MTHFD2L: variants seen among roughly 807,000 people sequenced by gnomAD.
The protein encoded by MTHFD2L is bifunctional methylenetetrahydrofolate dehydrogenase/cyclohydrolase 2, mitochondrial.
Under a neutral mutation model 34.9 loss-of-function variants are expected in MTHFD2L, and 29 were observed. The observed-to-expected ratio is 0.83, with a 90% confidence interval of 0.62 to 1.13. The LOEUF (loss-of-function observed/expected upper bound fraction) is 1.13, where lower values mean the gene tolerates loss of function less well. Ranked by LOEUF, MTHFD2L falls within the 50% of genes most tolerant of loss-of-function variation. The pLI, the probability that MTHFD2L is intolerant of heterozygous loss-of-function variation, is 0.00. For missense variants in MTHFD2L, 481 were observed against 446.5 expected, an observed-to-expected ratio of 1.08 and a Z score of -0.70; for synonymous variants, 167 against 155.7, an observed-to-expected ratio of 1.07 and a Z score of -0.54.
intron 3 of MTHFD2L, among the ~76,000 whole-genome samples, chr4:74,186,002 A>G (rs936450394): frequency 1.3e-5 from 2 of 152,176 alleles, no homozygotes; most frequent in Non-Finnish European, 1.5e-5. Context: ...TTAACAAATC[A>G]AATCCAACAA....
At chr4:74,202,970 A>T (rs779723605) in intron 5 of MTHFD2L, among the ~76,000 whole-genome samples, 4 of 152,194 alleles carry the variant, frequency 2.6e-5, no homozygotes, top group Non-Finnish European at 5.9e-5. Context: ...ACTTTCAATA[A>T]TACTTGTTTT....
intron 5 of MTHFD2L, among the ~76,000 whole-genome samples, chr4:74,220,272 T>A (rs1264549301): frequency 6.6e-6 from 1 of 151,910 alleles, no homozygotes; most frequent in Admixed American, 6.6e-5. Context: ...TCAACATTCT[T>A]GAGGGTTTAT....
intron 5 of MTHFD2L, among the ~76,000 whole-genome samples, chr4:74,218,336 A>C (rs1737554746): frequency 6.6e-6 from 1 of 152,140 alleles, no homozygotes; most frequent in African/African-American, 2.4e-5. Flanking sequence ...GAAAGCTGGC[A>C]CATGGACAGT....
intron 6 of MTHFD2L, among the ~76,000 whole-genome samples, chr4:74,230,040 T>A (rs1441346057): frequency 6.6e-6 from 1 of 152,186 alleles, no homozygotes; most frequent in Non-Finnish European, 1.5e-5. Context: ...ATTTTGAGAT[T>A]ATAACTACAA....
rs115663791 is a variant in MTHFD2L at position 74,282,171 on chromosome 4, C to G, written c.931+621C>G. 9.5e-3 allele frequency among the ~76,000 whole-genome samples: 1,445 copies of G among 152,002 alleles called. 28 individuals carry two copies. The highest frequency in any genetic ancestry group is 0.033 in the African/African-American group (1,368 of 41,490). ...CTCTTTACAATAGGGGAAACTGGGC[C>G]CCAGTACTTCTAGATGCCTGACCCT... On this transcript the variant is annotated intron_variant, in intron 7 of 7. Coordinates refer to ENST00000325278, the MANE Select transcript of MTHFD2L (RefSeq NM_001144978.3).
At chr4:74,132,183 G>A (rs551051210) in intron 1 of MTHFD2L, among the ~76,000 whole-genome samples, 5 of 152,272 alleles carry the variant, frequency 3.3e-5, no homozygotes, top group East Asian at 3.9e-4. Context: ...ACAATGTAGC[G>A]ATTCCTCAAG....
chr4:74,277,224 C>T (rs1746782138), intron 6 of MTHFD2L, among the ~76,000 whole-genome samples: 2 of 151,214 alleles, frequency 1.3e-5, no homozygotes, highest in Non-Finnish European at 2.9e-5. Context: ...GAGCCAGCTT[C>T]CCAAGGCTCA....
intron 6 of MTHFD2L, among the ~76,000 whole-genome samples, chr4:74,264,481 A>G (rs2110230769): frequency 6.6e-6 from 1 of 152,068 alleles, no homozygotes; most frequent in East Asian, 1.9e-4. Context: ...ACCATGCTTT[A>G]AAAACATTTC....
At chr4:74,192,431 G>A (rs376478879) in intron 3 of MTHFD2L, among the ~76,000 whole-genome samples, 2 of 152,012 alleles carry the variant, frequency 1.3e-5, no homozygotes, top group East Asian at 1.9e-4. Context: ...AGCATTTAAA[G>A]GTAAGAACAC....
At chr4:74,116,897 A>G (rs1227840665) in intron 2 of MTHFD2L, among the ~76,000 whole-genome samples, 1 of 152,204 alleles carries the variant, frequency 6.6e-6, no homozygotes, top group African/African-American at 2.4e-5. Flanking sequence ...AATGACACTC[A>G]TGTCTGCTAC....
chr4:74,204,150 T>C (rs756648938), intron 5 of MTHFD2L, among the ~76,000 whole-genome samples: 1 of 152,130 alleles, frequency 6.6e-6, no homozygotes, highest in Non-Finnish European at 1.5e-5. Context: ...GTTAAGAGGA[T>C]AGACATGGAG....
chr4:74,266,185 T>C (rs1745263101), intron 6 of MTHFD2L, among the ~76,000 whole-genome samples: 1 of 152,234 alleles, frequency 6.6e-6, no homozygotes, highest in African/African-American at 2.4e-5. Context: ...CTATGTGGAC[T>C]CTTATGTTGT....
chr4:74,124,027 A>T (rs186769205), upstream of MTHFD2L, among the ~76,000 whole-genome samples: 52 of 152,182 alleles, frequency 3.4e-4, no homozygotes, highest in East Asian at 7.9e-3. Context: ...ACTTATATTC[A>T]TTTATAATTT....
chr4:74,199,551 C>T (rs934940268), intron 3 of MTHFD2L, among the ~76,000 whole-genome samples: 3 of 151,854 alleles, frequency 2.0e-5, no homozygotes, highest in African/African-American at 7.3e-5. Flanking sequence ...TTTCTTTCAC[C>T]GGTCCAGCCA....
At chr4:74,280,833 G>GA (rs1454121138) in intron 6 of MTHFD2L, among the ~76,000 whole-genome samples, 2 of 151,198 alleles carry the variant, frequency 1.3e-5, no homozygotes, top group Non-Finnish European at 2.9e-5. Context: ...AAGAAACCAA[G>GA]AAAAAATAAA....
At chr4:74,140,501 A>T in intron 1 of MTHFD2L, 1 of 884,688 alleles carries the variant, frequency 1.1e-6, no homozygotes, top group African/African-American at 1.8e-5. Flanking sequence ...TAATTTTCTC[A>T]ATTATATATT....
chr4:74,187,947 A>G (rs1008466609), intron 3 of MTHFD2L, among the ~76,000 whole-genome samples: 2 of 152,204 alleles, frequency 1.3e-5, no homozygotes, highest in Non-Finnish European at 2.9e-5. Context: ...ATAACTAAAA[A>G]CTAGAAACAA....
intron 6 of MTHFD2L, among the ~76,000 whole-genome samples, chr4:74,275,486 G>T (rs1746496388): frequency 6.6e-6 from 1 of 152,016 alleles, no homozygotes; most frequent in Admixed American, 6.6e-5. Context: ...TGGGTCAAAT[G>T]GTATTTCTGA....
intron 1 of MTHFD2L, among the ~76,000 whole-genome samples, chr4:74,127,946 G>A (rs1378668587): frequency 1.3e-5 from 2 of 152,068 alleles, no homozygotes; most frequent in Non-Finnish European, 2.9e-5. Flanking sequence ...CATTGTAAGT[G>A]GGGTTAGATG....
Sources: allele counts gnomAD v4.1 joint callset (sites outside exome capture counted in the v4.1 genomes callset), GRCh38; gene constraint gnomAD v4.1.1; transcripts MANE v1.5; gene names NCBI Gene and HGNC (gene_info 2026-07-23, HGNC 2026-07-21).